The following TRAPPC12 variants were observed in gnomAD, a reference collection of about 807,000 sequenced individuals.
The protein encoded by TRAPPC12 is TPR repeat protein 15.
Under a neutral mutation model 69.2 loss-of-function variants are expected in TRAPPC12, and 61 were observed. The observed-to-expected ratio is 0.88, with a 90% CI of 0.72 to 1.09. The LOEUF is 1.09. TRAPPC12 is among the 50% of genes least tolerant of loss of function. The pLI, the probability that TRAPPC12 is intolerant of heterozygous loss-of-function variation, is 0.00. For missense variants in TRAPPC12, 1,101 were observed against 1,016.4 expected, an observed-to-expected ratio of 1.08 and a Z score of -1.13; for synonymous variants, 469 against 438.9, an observed-to-expected ratio of 1.07 and a Z score of -0.86.
chr2:3,381,900 G>A (rs1660228633), intron 1 of TRAPPC12, among the ~76,000 whole-genome samples: 1 of 152,058 alleles, frequency 6.6e-6, no homozygotes, highest in Non-Finnish European at 1.5e-5. Flanking sequence ...AAAAGTGTTT[G>A]GATTCAACAC....
chr2:3,458,325 C>T (rs1450424689), intron 7 of TRAPPC12: 59 of 986,354 alleles, frequency 6.0e-5, no homozygotes, highest in Non-Finnish European at 6.9e-5. Context: ...GGTAGCCCCA[C>T]CCTAGCCTCA....
intron 9 of TRAPPC12, chr2:3,472,325 G>C (rs956387720): frequency 6.6e-6 from 1 of 152,322 alleles, no homozygotes; most frequent in Non-Finnish European, 1.5e-5. Context: ...CACCTTGACC[G>C]TCTCGACGAG....
chr2:3,382,082 G>A (rs1660236262), intron 1 of TRAPPC12, among the ~76,000 whole-genome samples: 1 of 148,416 alleles, frequency 6.7e-6, no homozygotes, highest in African/African-American at 2.5e-5. Flanking sequence ...GTATACCACA[G>A]TCTACTTATT....
intron 5 of TRAPPC12, among the ~76,000 whole-genome samples, chr2:3,427,122 T>C (rs1188426721): frequency 1.3e-5 from 2 of 152,242 alleles, no homozygotes; most frequent in Non-Finnish European, 2.9e-5. Context: ...GCCTGGTAGC[T>C]ATCATAGTCA....
chr2:3,447,075 A>G (rs1407519569), intron 6 of TRAPPC12, among the ~76,000 whole-genome samples: 3 of 151,320 alleles, frequency 2.0e-5, no homozygotes, highest in Non-Finnish European at 4.4e-5. Context: ...CAGTGTCAGC[A>G]TCTGCTTCCA....
rs140403867 is a variant in TRAPPC12, at chr2:3,460,500, A to G, written c.1677+164A>G. ...GAGCCCAGTGACACATTATGGGGCT[A>G]TATGTACTTTATTTCTACTGCAAGA... On this transcript the variant is annotated intron_variant, in intron 8 of 11. Coordinates refer to ENST00000324266, the MANE Select transcript of TRAPPC12 (RefSeq NM_016030.6). The G allele has an allele frequency of 4.3e-4, 229 of 529,990 alleles. 1 individual carries two copies. The East Asian group carries it at 6.9e-3, about 16-fold the overall frequency. 32.8% of individuals were successfully genotyped at this position (529,990 alleles called of 1,614,324 possible).
Position 3,389,652 on chromosome 2 carries a change from T to TG in TRAPPC12, c.1047+986dup, listed in dbSNP as rs535590155. On this transcript the variant is annotated intron_variant, in intron 2 of 11. Transcript: ENST00000324266. ...TAACAGACCACTGCTTCCCGTTGAGTGGGGCAGCCGAAGGGGGTGGGGGAT... is the reference window on the plus strand; with the variant it reads ...TAACAGACCACTGCTTCCCGTTGAGTGGGGGCAGCCGAAGGGGGTGGGGGAT... 814 of 470,636 alleles carry TG rather than the reference T, an allele frequency of 1.7e-3. 1 individual carries two copies. The highest frequency in any genetic ancestry group is 2.5e-3 in the Non-Finnish European group (575 of 226,892). The allele number at this position is 470,636 out of a possible 1,614,324, so 29.2% of individuals were successfully genotyped here. A position where few individuals can be genotyped will look rare whatever the true frequency, so the allele number is the denominator to read the frequency against.
chr2:3,435,128 T>G (rs565456286), intron 5 of TRAPPC12, among the ~76,000 whole-genome samples: 5 of 152,324 alleles, frequency 3.3e-5, no homozygotes, highest in African/African-American at 1.2e-4. Context: ...TTCTCCTGCC[T>G]CAGCCTCCCG....
chr2:3,447,550 T>C (rs1288447741), intron 6 of TRAPPC12, among the ~76,000 whole-genome samples: 1 of 152,040 alleles, frequency 6.6e-6, no homozygotes, highest in Non-Finnish European at 1.5e-5. Flanking sequence ...ACTCATTCAT[T>C]GCCATAGGGA....
At chr2:3,389,424 G>C (rs1262953804) in intron 2 of TRAPPC12, among the ~76,000 whole-genome samples, 1 of 152,244 alleles carries the variant, frequency 6.6e-6, no homozygotes, top group East Asian at 1.9e-4. Flanking sequence ...GCTTCACACG[G>C]GGCTTGTAGC....
intron 7 of TRAPPC12, chr2:3,458,357 C>T: frequency 2.0e-6 from 2 of 985,902 alleles, no homozygotes; most frequent in Non-Finnish European, 2.4e-6. Flanking sequence ...CTTGTGGCAG[C>T]ATCTCCCCAC....
rs202064560 is a variant in TRAPPC12, at chr2:3,387,867, G to A, written c.244G>A (p.Ala82Thr). Residue 82 changes from alanine to threonine, a missense_variant, in exon 2 of 12, where the codon GCG (alanine) becomes ACG (threonine). Transcript: ENST00000324266. ...TGACTCCCCCAACAGCGAGGGCGAC[G>A]CGGGCGACCTGGGCCGAGTGCGGGA... ...ISDSPNSEGDAGDLGRVRDEA... is the reference protein window; with the variant it reads ...ISDSPNSEGDTGDLGRVRDEA... 2.3e-5 allele frequency: 37 copies of A among 1,594,170 alleles called. No individual in the cohort carries two copies. The highest frequency in any genetic ancestry group is 1.7e-4 in the Middle Eastern group (1 of 6,010).
intron 3 of TRAPPC12, among the ~76,000 whole-genome samples, chr2:3,406,039 CA>C (rs1323404601): frequency 6.6e-6 from 1 of 152,172 alleles, no homozygotes; most frequent in African/African-American, 2.4e-5. Flanking sequence ...CCTCTTGCCC[CA>C]GAGCAAAGTT....
chr2:3,441,932 C>G (rs1664231986), intron 5 of TRAPPC12, among the ~76,000 whole-genome samples: 1 of 152,130 alleles, frequency 6.6e-6, no homozygotes, highest in Non-Finnish European at 1.5e-5. Context: ...GCTTTTACAT[C>G]CAGAAGCACC....
chr2:3,403,032 C>T (rs1181943337), intron 3 of TRAPPC12, among the ~76,000 whole-genome samples: 1 of 152,100 alleles, frequency 6.6e-6, no homozygotes, highest in Non-Finnish European at 1.5e-5. Context: ...TGAAATGCGC[C>T]CTTATCCTGA....
rs1265747435 is a variant in TRAPPC12 at position 3,388,166 on chromosome 2, G to A, written c.543G>A (p.Lys181=). 1.2e-6 allele frequency: 2 copies of A among 1,607,918 alleles called. No individual in the cohort carries two copies. The highest frequency in any genetic ancestry group is 2.2e-5 in the East Asian group (1 of 44,594). ...ACGGCTTCGAGCCGCAGATGGTGAA[G>A]TCGCCCAGCTTCGGTGGCGCCAGCG... ...SGDGFEPQMV[K]SPSFGGASEA... Residue 181 remains lysine, a synonymous_variant, in exon 2 of 12, where the codon AAG becomes AAA. Coordinates refer to ENST00000324266, the MANE Select transcript of TRAPPC12 (RefSeq NM_016030.6).
chr2:3,454,601 G>A (rs1665035333), intron 6 of TRAPPC12: 1 of 152,356 alleles, frequency 6.6e-6, no homozygotes, highest in African/African-American at 2.4e-5. Context: ...CACATGCTCT[G>A]CGTTTGATGC....
intron 3 of TRAPPC12, among the ~76,000 whole-genome samples, chr2:3,415,409 C>G (rs1662318338): frequency 6.6e-6 from 1 of 151,812 alleles, no homozygotes; most frequent in Non-Finnish European, 1.5e-5. Flanking sequence ...CTTTTCTTTT[C>G]TTTTCTTTTC....
chr2:3,400,915 C>T (rs1056145823), intron 2 of TRAPPC12, among the ~76,000 whole-genome samples: 3 of 152,222 alleles, frequency 2.0e-5, no homozygotes, highest in Admixed American at 1.3e-4. Context: ...TCTCTTCTGT[C>T]CCCAGGCCAC....
Sources: gnomAD v4.1 joint callset for allele counts (sites outside exome capture counted in the v4.1 genomes callset) on GRCh38, gnomAD v4.1.1 for gene constraint, MANE v1.5 for transcripts, NCBI Gene and HGNC (gene_info 2026-07-23, HGNC 2026-07-21) for gene names.